GRM8: variants seen among roughly 807,000 people sequenced by gnomAD.
The protein encoded by GRM8 is glutamate metabotropic receptor 8, also known as metabotropic glutamate receptor 8.
In GRM8, 47 loss-of-function variants were observed where a neutral mutation model predicts 87.2. The observed-to-expected ratio is 0.54, with a 90% CI of 0.43 to 0.69. The LOEUF (loss-of-function observed/expected upper bound fraction) is 0.69. Among genes scored for constraint, GRM8 ranks in the 30% least tolerant of loss-of-function variants. GRM8 has a pLI of 0.00. For missense variants in GRM8, 1,019 were observed against 1,139.2 expected (o/e 0.89, Z 1.52); for synonymous variants, 396 against 404.5 (o/e 0.98, Z 0.25).
At chr7:126,823,440 A>T (rs1794485077) in intron 6 of GRM8, among the ~76,000 whole-genome samples, 1 of 152,174 alleles carries the variant, frequency 6.6e-6, no homozygotes, top group African/African-American at 2.4e-5. Context: ...TTGTCCCTTC[A>T]ATCCATTCTT....
At chr7:126,702,039 G>A (rs926813689) in intron 7 of GRM8, among the ~76,000 whole-genome samples, 23 of 152,088 alleles carry the variant, frequency 1.5e-4, no homozygotes, top group Middle Eastern at 3.2e-3. Context: ...AATGAGTGTC[G>A]TTTAGTGAAT....
At chr7:126,687,485 CTATT>C (rs1808311014) in intron 7 of GRM8, among the ~76,000 whole-genome samples, 3 of 152,134 alleles carry the variant, frequency 2.0e-5, no homozygotes, top group Middle Eastern at 6.8e-3. Flanking sequence ...ACTTATGTAT[CTATT>C]CTAGTATTAA....
chr7:126,933,458 G>T (rs1344260804), intron 3 of GRM8, among the ~76,000 whole-genome samples: 1 of 152,138 alleles, frequency 6.6e-6, no homozygotes, highest in East Asian at 1.9e-4. Context: ...CACTTCACTG[G>T]CTACTTTTAA....
chr7:127,124,512 T>G (rs1046061797), intron 2 of GRM8, among the ~76,000 whole-genome samples: 1 of 152,164 alleles, frequency 6.6e-6, no homozygotes, highest in African/African-American at 2.4e-5. Context: ...AGGCCTGACC[T>G]GAGCCCCAAT....
intron 1 of GRM8, among the ~76,000 whole-genome samples, chr7:127,251,636 C>G (rs1405553099): frequency 2.0e-5 from 3 of 151,532 alleles, no homozygotes; most frequent in Non-Finnish European, 4.4e-5. Context: ...TCCCGCGCCC[C>G]GGGGCATTCC....
At chr7:126,913,312 A>G (rs1803514313) in intron 3 of GRM8, among the ~76,000 whole-genome samples, 1 of 152,238 alleles carries the variant, frequency 6.6e-6, no homozygotes, top group Non-Finnish European at 1.5e-5. Flanking sequence ...CTGTGGTTAT[A>G]TAATTTGTTA....
chr7:127,061,258 T>G (rs1820568913), intron 3 of GRM8, among the ~76,000 whole-genome samples: 1 of 152,230 alleles, frequency 6.6e-6, no homozygotes, highest in African/African-American at 2.4e-5. Flanking sequence ...TATTAAGGAC[T>G]ATGCTAGCTA....
intron 9 of GRM8, among the ~76,000 whole-genome samples, chr7:126,449,923 C>G (rs763026499): frequency 2.0e-4 from 30 of 151,808 alleles, no homozygotes; most frequent in Non-Finnish European, 1.9e-4. Flanking sequence ...GCACTGATGG[C>G]TTGTTACTTA....
chr7:126,869,992 A>G (rs957029397), intron 6 of GRM8: 3 of 151,282 alleles, frequency 2.0e-5, no homozygotes, highest in African/African-American at 7.3e-5. Context: ...CTACATTGAA[A>G]ATCTAATGTT....
chr7:127,079,023 C>T (rs1822573351), intron 3 of GRM8, among the ~76,000 whole-genome samples: 1 of 152,198 alleles, frequency 6.6e-6, no homozygotes, highest in Non-Finnish European at 1.5e-5. Context: ...CTTCCAGATA[C>T]TGTTACATCA....
rs117737118 is a variant in GRM8 at position 126,886,937 on chromosome 7, A to G, written c.1156+15605T>C. ...TAGAACACAGCAAAAGGCCGAAAGA[A>G]GGAAGAGCTGTATTTTGGGAGTGCA... On this transcript the variant is annotated intron_variant, in intron 6 of 10. Coordinates refer to ENST00000339582, the MANE Select transcript of GRM8 (RefSeq NM_000845.3). Among the ~76,000 whole-genome samples the G allele has an allele frequency of 3.2e-3, 487 of 152,262 alleles. 23 individuals are homozygous for G. The East Asian group carries it at 0.089, about 28-fold the overall frequency.
At chr7:126,632,089 C>T (rs12505636) in intron 7 of GRM8, among the ~76,000 whole-genome samples, 14 of 152,118 alleles carry the variant, frequency 9.2e-5, no homozygotes, top group African/African-American at 3.4e-4. Context: ...TCAGAGCAAA[C>T]AGACAACCCA....
intron 3 of GRM8, among the ~76,000 whole-genome samples, chr7:126,913,591 A>G (rs540125176): frequency 6.6e-6 from 1 of 152,350 alleles, no homozygotes; most frequent in Admixed American, 6.5e-5. Context: ...GGCAATAGAA[A>G]CACATAAACT....
intron 7 of GRM8, among the ~76,000 whole-genome samples, chr7:126,688,765 CACAG>C (rs1808453048): frequency 1.3e-5 from 2 of 151,788 alleles, no homozygotes; most frequent in African/African-American, 4.8e-5. Context: ...CACACACACA[CACAG>C]AGACACACAG....
At chr7:126,739,108 A>G (rs1307104242) in intron 7 of GRM8, among the ~76,000 whole-genome samples, 2 of 151,966 alleles carry the variant, frequency 1.3e-5, no homozygotes, top group South Asian at 2.1e-4. Flanking sequence ...GCAGTTTTCC[A>G]AACAGTTTAT....
chr7:126,601,566 T>C (rs974992378), intron 8 of GRM8, among the ~76,000 whole-genome samples: 128 of 150,520 alleles, frequency 8.5e-4, no homozygotes, highest in Non-Finnish European at 1.7e-3. Context: ...AAAGTGTTCC[T>C]ATTTCTCCAC....
At chr7:126,537,990 T>A (rs1302672799) in intron 8 of GRM8, among the ~76,000 whole-genome samples, 1 of 152,212 alleles carries the variant, frequency 6.6e-6, no homozygotes, top group Admixed American at 6.5e-5. Context: ...ATTCTGTTAT[T>A]AAGACGTTTT....
At chr7:126,704,740 G>C (rs1758578862) in intron 7 of GRM8, among the ~76,000 whole-genome samples, 1 of 152,080 alleles carries the variant, frequency 6.6e-6, no homozygotes, top group South Asian at 2.1e-4. Context: ...GGCTTATTAG[G>C]AAGAGGAAAT....
intron 2 of GRM8, among the ~76,000 whole-genome samples, chr7:127,222,399 C>T (rs1421343867): frequency 6.6e-6 from 1 of 152,094 alleles, no homozygotes; most frequent in Non-Finnish European, 1.5e-5. Context: ...CAGGGTAATA[C>T]CCTGTCTCAA....
Sources: gnomAD v4.1 joint callset for allele counts (sites outside exome capture counted in the v4.1 genomes callset) on GRCh38, gnomAD v4.1.1 for gene constraint, MANE v1.5 for transcripts, NCBI Gene and HGNC (gene_info 2026-07-23, HGNC 2026-07-21) for gene names.